The following CSMD1 variants were observed in gnomAD, a reference collection of about 807,000 sequenced individuals.
The protein encoded by CSMD1 is CUB and Sushi multiple domains 1, also known as CUB and sushi domain-containing protein 1.
Under a neutral mutation model 417.5 loss-of-function variants are expected in CSMD1, and 213 were observed. That is an observed-to-expected ratio of 0.51 (90% CI 0.46 to 0.57). The LOEUF (loss-of-function observed/expected upper bound fraction) is 0.57. Ranked by LOEUF, CSMD1 falls within the 20% of genes least tolerant of loss-of-function variation. The probability of loss-of-function intolerance (pLI) is 0.00; values close to 1 mark genes in which losing one functional copy is unlikely to be tolerated. For synonymous variants in CSMD1, 2,862 were observed against 1,736.8 expected, an observed-to-expected ratio of 1.65 and a Z score of -16.11; for missense variants, 6,923 against 4,529.7, an observed-to-expected ratio of 1.53 and a Z score of -15.17.
At chr8:4,737,202 G>A (rs1260320332) in intron 1 of CSMD1, among the ~76,000 whole-genome samples, 1 of 152,126 alleles carries the variant, frequency 6.6e-6, no homozygotes, top group Non-Finnish European at 1.5e-5. Flanking sequence ...GGATGGAACT[G>A]GAGGCCATTA....
chr8:4,190,766 G>A (rs968458024), intron 3 of CSMD1, among the ~76,000 whole-genome samples: 6 of 151,998 alleles, frequency 3.9e-5, no homozygotes, highest in South Asian at 4.1e-4. Context: ...AGTACTATGC[G>A]GCCATTATAA....
At chr8:4,955,102 G>A (rs1379905860) in intron 1 of CSMD1, among the ~76,000 whole-genome samples, 2 of 152,106 alleles carry the variant, frequency 1.3e-5, no homozygotes, top group African/African-American at 4.8e-5. Context: ...CAGCATCACA[G>A]AAATGGCTTT....
chr8:3,678,569 C>T (rs1001147300), intron 7 of CSMD1, among the ~76,000 whole-genome samples: 3 of 152,106 alleles, frequency 2.0e-5, no homozygotes, highest in Non-Finnish European at 1.5e-5. Context: ...GATTGGTGTA[C>T]CTGAGAGTGA....
chr8:4,247,707 C>A (rs186459126), intron 3 of CSMD1, among the ~76,000 whole-genome samples: 1 of 152,102 alleles, frequency 6.6e-6, no homozygotes, highest in Non-Finnish European at 1.5e-5. Flanking sequence ...TATTTTGGTA[C>A]ACATACTATA....
chr8:4,649,080 C>G (rs1034433202), intron 1 of CSMD1, among the ~76,000 whole-genome samples: 10 of 152,072 alleles, frequency 6.6e-5, no homozygotes, highest in Non-Finnish European at 1.5e-4. Context: ...CCAAGGTGCT[C>G]AAAATAAGTG....
At chr8:4,328,002 C>T (rs1799653401) in intron 3 of CSMD1, among the ~76,000 whole-genome samples, 1 of 152,120 alleles carries the variant, frequency 6.6e-6, no homozygotes, top group South Asian at 2.1e-4. Flanking sequence ...AAACTTTATT[C>T]ATTTGGGAAA....
rs767313238 is a variant in CSMD1, at chr8:3,151,456, G to T, written c.5972C>A (p.Pro1991Gln). ...GTCTAAGTTGTTGGGGTAAGAACCTGGGAAGCCGGGGCTCAGGATCACACC... is the reference window on the plus strand; with the variant it reads ...GTCTAAGTTGTTGGGGTAAGAACCTTGGAAGCCGGGGCTCAGGATCACACC... ...LGGVILSPGF[P>Q]GSYPNNLDCT... The change falls in exon 40 of 70, where the codon CCA (proline) becomes CAA (glutamine). Residue 1991 changes from proline (P) to glutamine (Q), a missense_variant. Coordinates refer to ENST00000635120, the MANE Select transcript of CSMD1 (RefSeq NM_033225.6). The T allele has an allele frequency of 6.2e-7, 1 of 1,613,758 alleles. No individual in the cohort carries two copies. Among genetic ancestry groups the T allele is most frequent in the Non-Finnish European group, 8.5e-7 (1 of 1,179,920 alleles).
intron 2 of CSMD1, among the ~76,000 whole-genome samples, chr8:4,531,349 A>C (rs544589707): frequency 6.6e-6 from 1 of 152,294 alleles, no homozygotes; most frequent in African/African-American, 2.4e-5. Context: ...TCAAGAACAG[A>C]GTCTATAATT....
chr8:3,514,200 C>T (rs1797193632), intron 10 of CSMD1, among the ~76,000 whole-genome samples: 1 of 152,230 alleles, frequency 6.6e-6, no homozygotes, highest in South Asian at 2.1e-4. Flanking sequence ...AAGACATGCT[C>T]TTGTGTAAAG....
intron 8 of CSMD1, among the ~76,000 whole-genome samples, chr8:3,615,149 A>G (rs1243106555): frequency 2.0e-5 from 3 of 152,134 alleles, no homozygotes; most frequent in Non-Finnish European, 2.9e-5. Context: ...CACACACCAC[A>G]CTCACTGCAT....
chr8:4,915,285 C>A (rs927234772), intron 1 of CSMD1, among the ~76,000 whole-genome samples: 2 of 152,044 alleles, frequency 1.3e-5, no homozygotes, highest in Non-Finnish European at 2.9e-5. Flanking sequence ...AGGCATAACA[C>A]CCCTCCCAAA....
intron 2 of CSMD1, among the ~76,000 whole-genome samples, chr8:4,431,250 C>G (rs1797854111): frequency 6.6e-6 from 1 of 151,984 alleles, no homozygotes; most frequent in African/African-American, 2.4e-5. Context: ...TGAAATGGCT[C>G]AAAGATGTTA....
intron 1 of CSMD1, among the ~76,000 whole-genome samples, chr8:4,807,898 G>T (rs1798682520): frequency 6.6e-6 from 1 of 152,072 alleles, no homozygotes; most frequent in South Asian, 2.1e-4. Flanking sequence ...GTCTCCATGA[G>T]GGAAGTACAA....
At chr8:4,450,466 A>G (rs1429113095) in intron 2 of CSMD1, among the ~76,000 whole-genome samples, 2 of 152,090 alleles carry the variant, frequency 1.3e-5, no homozygotes, top group African/African-American at 4.8e-5. Context: ...TCTCTACTGA[A>G]AATACAAAAT....
chr8:4,591,974 T>C (rs774204389), intron 2 of CSMD1, among the ~76,000 whole-genome samples: 29 of 151,990 alleles, frequency 1.9e-4, no homozygotes, highest in Non-Finnish European at 2.9e-4. Context: ...GATGGAGATA[T>C]TGGCAAAGGC....
intron 26 of CSMD1, among the ~76,000 whole-genome samples, chr8:3,281,687 G>A (rs1479140009): frequency 4.6e-5 from 7 of 152,148 alleles, no homozygotes; most frequent in Non-Finnish European, 8.8e-5. Flanking sequence ...AGGAAGGGAT[G>A]AACAGGCAGA....
intron 7 of CSMD1, among the ~76,000 whole-genome samples, chr8:3,689,239 G>T (rs4307366): frequency 0.3 from 45,806 of 152,038 alleles, 7,824 homozygotes; most frequent in South Asian, 0.41. Context: ...CTTATCCACA[G>T]TTACCATGAA....
chr8:3,594,427 A>G (rs1800998481), intron 8 of CSMD1, among the ~76,000 whole-genome samples: 1 of 152,098 alleles, frequency 6.6e-6, no homozygotes, highest in African/African-American at 2.4e-5. Flanking sequence ...TTTTTCCAAA[A>G]TGAGTATATG....
At chr8:4,248,225 A>T (rs1006668497) in intron 3 of CSMD1, among the ~76,000 whole-genome samples, 2 of 152,184 alleles carry the variant, frequency 1.3e-5, no homozygotes, top group African/African-American at 4.8e-5. Context: ...CCAACAGCAG[A>T]CAGTTGGCAG....
Sources: gnomAD v4.1 joint callset for allele counts (sites outside exome capture counted in the v4.1 genomes callset) on GRCh38, gnomAD v4.1.1 for gene constraint, MANE v1.5 for transcripts, NCBI Gene and HGNC (gene_info 2026-07-23, HGNC 2026-07-21) for gene names.